Variants in ITGA9 observed in about 807,000 individuals in gnomAD.
ITGA9 encodes the protein integrin alpha-9.
A neutral mutation model predicts 127.8 loss-of-function variants in ITGA9; 56 were observed. The ratio of observed to expected loss-of-function variants is 0.44; its 90% confidence interval spans 0.35 to 0.55. The LOEUF is 0.55. Among genes scored for constraint, ITGA9 ranks in the 20% least tolerant of loss-of-function variants. ITGA9 has a pLI of 0.00. For synonymous variants in ITGA9, 508 were observed against 514.5 expected, an observed-to-expected ratio of 0.99 and a Z score of 0.17; for missense variants, 1,196 against 1,347.1, an observed-to-expected ratio of 0.89 and a Z score of 1.76.
At chr3:37,571,710 A>G (rs1297344122) in intron 15 of ITGA9, among the ~76,000 whole-genome samples, 2 of 152,046 alleles carry the variant, frequency 1.3e-5, no homozygotes, top group South Asian at 2.1e-4. Flanking sequence ...AGTAATCTAG[A>G]CCATGAAGGA....
intron 14 of ITGA9, among the ~76,000 whole-genome samples, chr3:37,540,246 G>A (rs1699252063): frequency 1.3e-5 from 2 of 152,210 alleles, no homozygotes; most frequent in Admixed American, 6.5e-5. Context: ...AGGGGACCCC[G>A]AGGAGAGTCT....
chr3:37,642,574 C>T (rs1374729175), intron 16 of ITGA9, among the ~76,000 whole-genome samples: 1 of 152,152 alleles, frequency 6.6e-6, no homozygotes, highest in African/African-American at 2.4e-5. Flanking sequence ...GGGAATTCCC[C>T]ACGGGCAAGA....
intron 27 of ITGA9, among the ~76,000 whole-genome samples, chr3:37,813,361 CTTTAG>C (rs1340995267): frequency 1.3e-5 from 2 of 152,130 alleles, no homozygotes; most frequent in Admixed American, 6.5e-5. Context: ...GAGTCACTAT[CTTTAG>C]TTTAGTGTTT....
chr3:37,530,398 C>A lies in ITGA9; in HGVS notation c.1374-2916C>A, dbSNP rs182916905. 3.0e-4 allele frequency among the ~76,000 whole-genome samples: 45 copies of A among 152,328 alleles called. No individual in the cohort carries two copies. In the Middle Eastern group the frequency reaches 0.017, roughly 58 times the overall value. ...TATATTGCCCATCGTTCCTAACCCT[C>A]CTAAGGGCAGGAGGCCAGAGGTATG... On this transcript the variant is annotated intron_variant, in intron 13 of 27. Transcript: ENST00000264741.
At position 37,568,846 on chromosome 3, in the gene ITGA9, C is replaced by T. The variant is rs963526403; in HGVS notation, c.1689+26261C>T. 5.3e-5 allele frequency among the ~76,000 whole-genome samples: 8 copies of T among 152,230 alleles called. 1 individual carries two copies. In the South Asian group the frequency reaches 6.2e-4, roughly 12 times the overall value. On this transcript the variant is annotated intron_variant, in intron 15 of 27. Coordinates refer to ENST00000264741, the MANE Select transcript of ITGA9 (RefSeq NM_002207.3). ...CCATTCAACAAGTCTCTAGGAAGTT[C>T]CAAACTTTCTCACATTTCCTGTCTT...
intron 18 of ITGA9, among the ~76,000 whole-genome samples, chr3:37,707,204 TTTC>T (rs1167688653): frequency 2.2e-4 from 15 of 68,884 alleles, no homozygotes; most frequent in African/African-American, 1.8e-3. Flanking sequence ...TTTTAAAAAA[TTTC>T]TTAAGAGTTT....
At chr3:37,574,715 G>C (rs1699635991) in intron 15 of ITGA9, among the ~76,000 whole-genome samples, 1 of 152,164 alleles carries the variant, frequency 6.6e-6, no homozygotes, top group Admixed American at 6.5e-5. Context: ...TATTGACTGT[G>C]CAAACCACTT....
At position 37,517,554 on chromosome 3, in the gene ITGA9, G is replaced by A. The variant is rs184872162; in HGVS notation, c.1086G>A (p.Ala362=). The A allele has an allele frequency of 1.0e-5, 16 of 1,599,220 alleles. No homozygotes were observed. Among genetic ancestry groups the A allele is most frequent in the Admixed American group, 3.4e-5 (2 of 58,328 alleles). The change falls in exon 10 of 28, where the codon GCG becomes GCA. Residue 362 remains alanine (A), a synonymous_variant. Transcript: ENST00000264741. ...TGACTGGGGATGGTGCCTACAATGC[G>A]CACTTTGGAGAGAGCATTGCCAGCC... ...LALTGDGAYN[A]HFGESIASLD...
chr3:37,633,988 G>A (rs1024537698), intron 16 of ITGA9, among the ~76,000 whole-genome samples: 5 of 152,038 alleles, frequency 3.3e-5, no homozygotes, highest in African/African-American at 1.2e-4. Flanking sequence ...TCTATGTCAT[G>A]GTTAAAATAT....
intron 27 of ITGA9, among the ~76,000 whole-genome samples, chr3:37,813,201 G>T (rs1697389629): frequency 6.6e-6 from 1 of 152,162 alleles, no homozygotes; most frequent in African/African-American, 2.4e-5. Flanking sequence ...TATCTCTTAA[G>T]CAAAGGAACT....
rs570536506 is a variant in ITGA9, at chr3:37,733,742, T to G, written c.2154+944T>G. ...TTGAATGCACCTCGATCTTGGACTTTCCAGCCTTCAGAACTGTGAGAAATA... is the reference window on the plus strand; with the variant it reads ...TTGAATGCACCTCGATCTTGGACTTGCCAGCCTTCAGAACTGTGAGAAATA... On this transcript the variant is annotated intron_variant, in intron 19 of 27. Transcript: ENST00000264741. 2.0e-5 allele frequency among the ~76,000 whole-genome samples: 3 copies of G among 152,202 alleles called. No individual in the cohort carries two copies. The South Asian group carries it at 6.2e-4, about 32-fold the overall frequency.
At position 37,821,242 on chromosome 3, in the gene ITGA9, A is replaced by G. The variant is rs1697511354; in HGVS notation, c.*2253A>G. The G allele has an allele frequency of 6.6e-6, 1 of 152,242 alleles. No homozygotes were observed. The allele number at this position is 152,242 out of a possible 1,614,324, so 9.4% of individuals were successfully genotyped here. A position where few individuals can be genotyped will look rare whatever the true frequency, so the allele number is the denominator to read the frequency against. The stretch of plus-strand genomic sequence containing the variant: ...GGGAGCAGGACGAGGCAAAGAAAGC[A>G]GCTGTCACTCAGAGTTCGCTTATGA... On this transcript the variant is annotated 3_prime_UTR_variant, in exon 28 of 28. Transcript: ENST00000264741.
At chr3:37,604,554 C>G (rs1699950092) in intron 15 of ITGA9, among the ~76,000 whole-genome samples, 1 of 152,206 alleles carries the variant, frequency 6.6e-6, no homozygotes. Flanking sequence ...AGAAGCAAAT[C>G]TTTAACGGAA....
intron 15 of ITGA9, among the ~76,000 whole-genome samples, chr3:37,543,616 G>C (rs76409039): frequency 1.3e-5 from 2 of 152,164 alleles, no homozygotes; most frequent in Non-Finnish European, 1.5e-5. Context: ...ATTTCATATA[G>C]CTCAACCCAA....
chr3:37,592,842 T>C (rs934325304), intron 15 of ITGA9, among the ~76,000 whole-genome samples: 2 of 152,144 alleles, frequency 1.3e-5, no homozygotes, highest in East Asian at 3.8e-4. Flanking sequence ...GCTGTAAGAA[T>C]GTTTTGTGAA....
In ITGA9 at chr3:37,490,965, T is replaced by TCCCCC. The variant is rs1368572287; in HGVS notation, c.545-3536_545-3535insCCCCC. Among the ~76,000 whole-genome samples, 277 of 87,816 alleles carry TCCCCC rather than the reference T, an allele frequency of 3.2e-3. 2 individuals carry two copies. Among genetic ancestry groups the TCCCCC allele is most frequent in the South Asian group, 0.014 (33 of 2,444 alleles). The allele number at this position is 87,816 out of a possible 152,430, so 57.6% of individuals were successfully genotyped here. On this transcript the variant is annotated intron_variant, in intron 4 of 27. Transcript: ENST00000264741. The stretch of plus-strand genomic sequence containing the variant: ...CTATCTTTTGGGTCTCAGATTTGGC[T>TCCCCC]TCCCCCCCGCTTTTTTTTTTTTTTT...
chr3:37,533,167 A>G, intron 13 of ITGA9, 147 bp from the exon 14 acceptor site: 5 of 766,552 alleles, frequency 6.5e-6, no homozygotes, highest in South Asian at 3.0e-5. Context: ...CTCACAGAAC[A>G]TACTAGCCCT....
chr3:37,604,889 G>A (rs1046791416), intron 15 of ITGA9, among the ~76,000 whole-genome samples: 3 of 152,168 alleles, frequency 2.0e-5, no homozygotes, highest in African/African-American at 4.8e-5. Context: ...CCTAAGAAAG[G>A]CATGTCAGTT....
intron 15 of ITGA9, among the ~76,000 whole-genome samples, chr3:37,592,013 G>A (rs943006971): frequency 1.3e-5 from 2 of 152,174 alleles, no homozygotes; most frequent in African/African-American, 4.8e-5. Context: ...GGGTGGATAG[G>A]GGTGGGCTGA....
Sources: gnomAD v4.1 joint callset for allele counts (sites outside exome capture counted in the v4.1 genomes callset) on GRCh38, gnomAD v4.1.1 for gene constraint, MANE v1.5 for transcripts, NCBI Gene and HGNC (gene_info 2026-07-23, HGNC 2026-07-21) for gene names.